Variants in RHOF observed in about 807,000 individuals in gnomAD.
The protein encoded by RHOF is rho-related GTP-binding protein RhoF.
Under a neutral mutation model 22.2 loss-of-function variants are expected in RHOF, and 21 were observed. The observed-to-expected ratio is 0.95, with a 90% confidence interval of 0.67 to 1.36. RHOF has a LOEUF of 1.36. Ranked by LOEUF, RHOF falls within the 40% of genes most tolerant of loss-of-function variation. The pLI is 0.00. For missense variants in RHOF, 285 were observed against 293.7 expected, an observed-to-expected ratio of 0.97 and a Z score of 0.22; for synonymous variants, 135 against 131.2, an observed-to-expected ratio of 1.03 and a Z score of -0.20.
chr12:121,787,126 G>C (rs1387323331), intron 2 of RHOF, among the ~76,000 whole-genome samples: 1 of 152,170 alleles, frequency 6.6e-6, no homozygotes, highest in Non-Finnish European at 1.5e-5. Flanking sequence ...CCACCTCTGT[G>C]CTGTTCACTG....
At chr12:121,792,581 C>A (rs1566535727) in intron 2 of RHOF, among the ~76,000 whole-genome samples, 1 of 152,246 alleles carries the variant, frequency 6.6e-6, no homozygotes. Flanking sequence ...GTAATTGTAG[C>A]CACGCAATTC....
At position 121,784,317 on chromosome 12, in the gene RHOF, C is replaced by G. The variant is rs368768553; in HGVS notation, c.227-3125G>C. ...ATCCCAGCACTTTGGGAGGCCGAGG[C>G]AGGGGGATCACGAGGTCAGGATTTT... On this transcript the variant is annotated intron_variant, in intron 2 of 4. Transcript: ENST00000267205. 2.6e-5 allele frequency among the ~76,000 whole-genome samples: 4 copies of G among 151,888 alleles called. No homozygotes were observed. The East Asian group carries it at 5.8e-4, about 22-fold the overall frequency.
rs1874332555 is a variant in RHOF at position 121,778,749 on chromosome 12, G to C, written c.*749C>G. Reference sequence around the variant, plus strand: ...GGGGGGAACAGTCCACAGAAAACTTGCTCATGACCACACTGGGAGCCGACT... The same window carrying C: ...GGGGGGAACAGTCCACAGAAAACTTCCTCATGACCACACTGGGAGCCGACT... On this transcript the variant is annotated 3_prime_UTR_variant, in exon 5 of 5. Transcript: ENST00000267205. 1.3e-5 allele frequency: 2 copies of C among 152,264 alleles called. No individual in the cohort carries two copies. 9.4% of individuals were successfully genotyped at this position (152,264 alleles called of 1,614,324 possible).
At chr12:121,791,947 G>A (rs974956373) in intron 2 of RHOF, among the ~76,000 whole-genome samples, 2 of 152,176 alleles carry the variant, frequency 1.3e-5, no homozygotes, top group Admixed American at 6.5e-5. Flanking sequence ...TACTACCCCC[G>A]GGCCACGCCC....
chr12:121,780,409 G>A, intron 4 of RHOF: 1 of 203,150 alleles, frequency 4.9e-6, no homozygotes, highest in Non-Finnish European at 1.0e-5. Context: ...TTTTGCCTTT[G>A]CATTCCTTTT....
In RHOF at chr12:121,780,456, G is replaced by C. The variant is rs75447834; in HGVS notation, c.471+416C>G. 9.2e-4 allele frequency: 282 copies of C among 305,108 alleles called. 1 individual carries two copies. Among genetic ancestry groups the C allele is most frequent in the African/African-American group, 5.4e-3 (253 of 46,712 alleles). The allele number at this position is 305,108 out of a possible 1,614,324, so 18.9% of individuals were successfully genotyped here. A position where few individuals can be genotyped will look rare whatever the true frequency, so the allele number is the denominator to read the frequency against. ...TCCCCCATGCCTCACCCAAAGAGTTGCACGGTCAATTGGCCCGTGAAGGGG... is the reference window on the plus strand; with the variant it reads ...TCCCCCATGCCTCACCCAAAGAGTTCCACGGTCAATTGGCCCGTGAAGGGG... On this transcript the variant is annotated intron_variant, in intron 4 of 4. Transcript: ENST00000267205.
chr12:121,786,119 A>G (rs34226605), intron 2 of RHOF, among the ~76,000 whole-genome samples: 31,653 of 150,018 alleles, frequency 0.21, 3,956 homozygotes, highest in African/African-American at 0.35. Flanking sequence ...ACGGGGTTTC[A>G]CCGTGTAAGC....
rs17522849 is a variant in RHOF at position 121,793,138 on chromosome 12, G to A, written c.226+14C>T. On this transcript the variant is annotated intron_variant, in intron 2 of 4. Coordinates refer to ENST00000267205, the MANE Select transcript of RHOF (RefSeq NM_019034.3). ...GGCGGACCCTCGGGCCCCCCGGCGC[G>A]CAGGCGCACTCACCGGCCGTGTCGT... 4.6e-5 allele frequency: 71 copies of A among 1,548,088 alleles called. No homozygotes were observed. The African/African-American group carries it at 7.9e-4, about 17-fold the overall frequency.
intron 2 of RHOF, among the ~76,000 whole-genome samples, chr12:121,784,640 C>T (rs982744469): frequency 2.6e-5 from 4 of 151,978 alleles, no homozygotes; most frequent in African/African-American, 9.7e-5. Context: ...ACCTGAGAGT[C>T]ACAGAAATGA....
intron 4 of RHOF, chr12:121,779,976 T>C: frequency 3.2e-6 from 1 of 309,362 alleles, no homozygotes; most frequent in Non-Finnish European, 6.1e-6. Flanking sequence ...GTGAGAAGAG[T>C]TGGAGGCCTC....
intron 2 of RHOF, among the ~76,000 whole-genome samples, chr12:121,791,062 C>T (rs968488523): frequency 4.0e-5 from 6 of 151,064 alleles, no homozygotes; most frequent in African/African-American, 1.2e-4. Context: ...TTAGTAGAGA[C>T]GGGGTTTCAT....
At chr12:121,788,592 C>T (rs1457695622) in intron 2 of RHOF, among the ~76,000 whole-genome samples, 1 of 152,170 alleles carries the variant, frequency 6.6e-6, no homozygotes, top group Non-Finnish European at 1.5e-5. Context: ...TCAGGAGGGT[C>T]AGGTTCCATT....
At position 121,779,542 on chromosome 12, in the gene RHOF, T is replaced by C. The variant is rs758681788; in HGVS notation, c.592A>G (p.Lys198Glu). Residue 198 changes from lysine (K) to glutamate (E), a missense_variant, in exon 5 of 5, where the codon AAG becomes GAG. Coordinates refer to ENST00000267205, the MANE Select transcript of RHOF (RefSeq NM_019034.3). Reference sequence around the variant, plus strand: ...CGGCGCTTCTTCTGCCGTTGCGCCTTCTTCAGAGCGCTGAGAGCCACCTTG... The same window carrying C: ...CGGCGCTTCTTCTGCCGTTGCGCCTCCTTCAGAGCGCTGAGAGCCACCTTG... ...AAKVALSALKKAQRQKKRRLC... is the reference protein window; with the variant it reads ...AAKVALSALKEAQRQKKRRLC... The C allele has an allele frequency of 3.1e-6, 5 of 1,613,230 alleles. No homozygotes were observed. The South Asian group carries it at 3.3e-5, about 11-fold the overall frequency.
intron 1 of RHOF, 119 bp from the exon 2 acceptor site, chr12:121,793,358 C>A: frequency 7.0e-7 from 1 of 1,430,468 alleles, no homozygotes; most frequent in Non-Finnish European, 9.5e-7. Context: ...CCCCGCTGGG[C>A]TCTGGAATTC....
chr12:121,779,601 C>A lies in RHOF; in HGVS notation c.533G>T (p.Arg178Leu), dbSNP rs61751318. Residue 178 changes from arginine to leucine, a missense_variant, in exon 5 of 5, where the codon CGG becomes CTG. Physicochemically the swap from Arg to Leu is moderately radical, Grantham distance 102. Transcript: ENST00000267205. ...CCGGAAGACGTCCTCCACATTCTCC[C>A]GAAACTTGGCGGAACATTCCAGGTA... Reference protein sequence around the residue: ...ALYLECSAKFRENVEDVFREA... With the variant: ...ALYLECSAKFLENVEDVFREA... 6 of 1,614,224 alleles carry A rather than the reference C, an allele frequency of 3.7e-6. No individual in the cohort carries two copies. The East Asian group carries it at 6.7e-5, about 18-fold the overall frequency.
At chr12:121,791,315 G>A (rs1211442445) in intron 2 of RHOF, among the ~76,000 whole-genome samples, 2 of 152,176 alleles carry the variant, frequency 1.3e-5, no homozygotes, top group Non-Finnish European at 2.9e-5. Context: ...TAGTAGAGAT[G>A]GGGTTTCACC....
At chr12:121,789,850 T>C (rs1326581848) in intron 2 of RHOF, among the ~76,000 whole-genome samples, 1 of 152,086 alleles carries the variant, frequency 6.6e-6, no homozygotes, top group African/African-American at 2.4e-5. Flanking sequence ...GGACCACCGC[T>C]CCCCGGGCAA....
intron 2 of RHOF, among the ~76,000 whole-genome samples, chr12:121,786,721 C>G (rs1210505283): frequency 6.6e-6 from 1 of 151,986 alleles, no homozygotes; most frequent in Non-Finnish European, 1.5e-5. Flanking sequence ...ACTCATGGCT[C>G]TCACCCCTAC....
chr12:121,780,465 A>G (rs539142420), intron 4 of RHOF: 5 of 321,632 alleles, frequency 1.6e-5, no homozygotes, highest in South Asian at 9.7e-5. Context: ...TGCACGGTCA[A>G]TTGGCCCGTG....
Sources: allele counts gnomAD v4.1 joint callset (sites outside exome capture counted in the v4.1 genomes callset), GRCh38; gene constraint gnomAD v4.1.1; transcripts MANE v1.5; gene names NCBI Gene and HGNC (gene_info 2026-07-23, HGNC 2026-07-21).